Variants in COPG2 observed in about 807,000 individuals in gnomAD.
COPG2 encodes coatomer subunit gamma-2.
A neutral mutation model predicts 46.3 loss-of-function variants in COPG2; 37 were observed. That is an observed-to-expected ratio of 0.80 (90% CI 0.61 to 1.05). The LOEUF is 1.05. Ranked by LOEUF, COPG2 falls within the 50% of genes least tolerant of loss-of-function variation. The pLI is 0.00. For missense variants in COPG2, 427 were observed against 387.8 expected (o/e 1.10, Z -0.85); for synonymous variants, 159 against 129.7 (o/e 1.23, Z -1.53).
Position 130,613,654 on chromosome 7 carries a change from GA to G in COPG2, c.400-19del. Reference sequence around the variant, plus strand: ...ATTGTTCCCTAATAACATTCAAAAAGAAAAAATTGTTAAGGAAAAACATGCT... The same window carrying G: ...ATTGTTCCCTAATAACATTCAAAAAGAAAAATTGTTAAGGAAAAACATGCT... On this transcript the variant is annotated intron_variant, in intron 6 of 23. Transcript: ENST00000425248. The G allele has an allele frequency of 6.5e-7, 1 of 1,538,778 alleles. No individual in the cohort carries two copies. The highest frequency in any genetic ancestry group is 8.9e-7 in the Non-Finnish European group (1 of 1,127,070).
At position 130,506,643 on chromosome 7, in the gene COPG2, G is replaced by C. The variant is rs1554440079; in HGVS notation, c.*33C>G. The C allele has an allele frequency of 1.3e-6, 1 of 769,444 alleles. No homozygotes were observed. Among genetic ancestry groups the C allele is most frequent in the South Asian group, 1.4e-5 (1 of 72,716 alleles). 47.7% of individuals were successfully genotyped at this position (769,444 alleles called of 1,614,324 possible). A position where few individuals can be genotyped will look rare whatever the true frequency, so the allele number is the denominator to read the frequency against. ...AGCCTAAAAGCCCACTGACCATGTAGTGTGCATCAGTTTCCTCTTGTCCAG... is the reference window on the plus strand; with the variant it reads ...AGCCTAAAAGCCCACTGACCATGTACTGTGCATCAGTTTCCTCTTGTCCAG... On this transcript the variant is annotated 3_prime_UTR_variant, in exon 24 of 24. Transcript: ENST00000425248.
At chr7:130,594,507 T>C (rs781813276) in intron 9 of COPG2, among the ~76,000 whole-genome samples, 1 of 152,082 alleles carries the variant, frequency 6.6e-6, no homozygotes, top group Non-Finnish European at 1.5e-5. Context: ...CACAGAAAAA[T>C]TAGACTTTAT....
intron 9 of COPG2, among the ~76,000 whole-genome samples, chr7:130,592,976 A>C (rs1178777780): frequency 6.6e-6 from 1 of 152,252 alleles, no homozygotes; most frequent in Non-Finnish European, 1.5e-5. Flanking sequence ...ATGTCATTAG[A>C]CTTCTATACA....
At chr7:130,608,879 A>G (rs1554451643) in intron 9 of COPG2, among the ~76,000 whole-genome samples, 1 of 151,144 alleles carries the variant, frequency 6.6e-6, no homozygotes, top group East Asian at 2.0e-4. Context: ...TGTTGTTGTT[A>G]TTTTTTGAGA....
rs782326544 is a variant in COPG2, at chr7:130,652,986, T to G, written c.244-38A>C. On this transcript the variant is annotated intron_variant, in intron 4 of 23. Transcript: ENST00000425248. ...TTATAAAAGGTAACAGATTATTGAT[T>G]AGGAAATGGTTTTTTAAATTATTTG... 38 of 1,354,984 alleles carry G rather than the reference T, an allele frequency of 2.8e-5. No homozygotes were observed. The South Asian group carries it at 4.8e-4, about 17-fold the overall frequency. The allele number at this position is 1,354,984 out of a possible 1,614,324, so 83.9% of individuals were successfully genotyped here.
At position 130,602,037 on chromosome 7, in the gene COPG2, C is replaced by T. The variant is rs565968095; in HGVS notation, c.737+8916G>A. 1.3e-3 allele frequency among the ~76,000 whole-genome samples: 191 copies of T among 152,250 alleles called. No homozygotes were observed. In the South Asian group the frequency reaches 0.015, roughly 12 times the overall value. On this transcript the variant is annotated intron_variant, in intron 9 of 23. Transcript: ENST00000425248. ...CCCAGATGACTGCAGGCTAGGCCAA[C>T]GACTTGATTATAAACTCATACGAGG...
chr7:130,625,011 C>T (rs1326040728), intron 5 of COPG2, among the ~76,000 whole-genome samples: 2 of 152,188 alleles, frequency 1.3e-5, no homozygotes, highest in Non-Finnish European at 2.9e-5. Flanking sequence ...AGTGGTTGTA[C>T]TAATTTACAT....
intron 20 of COPG2, among the ~76,000 whole-genome samples, chr7:130,527,902 A>G (rs1165171971): frequency 1.3e-5 from 2 of 152,138 alleles, no homozygotes; most frequent in East Asian, 3.9e-4. Flanking sequence ...CCCAGACTCA[A>G]GGACTCAGGT....
chr7:130,561,946 G>T (rs1793728261), intron 11 of COPG2, among the ~76,000 whole-genome samples: 2 of 152,114 alleles, frequency 1.3e-5, no homozygotes, highest in Admixed American at 1.3e-4. Flanking sequence ...GGCCCACTGG[G>T]GTTAGTAAAT....
chr7:130,627,102 G>A (rs1795133463), intron 5 of COPG2, among the ~76,000 whole-genome samples: 1 of 152,084 alleles, frequency 6.6e-6, no homozygotes. Flanking sequence ...TGTTGCCCAG[G>A]CTTTTCTATT....
At chr7:130,529,433 A>T (rs1001856786) in intron 20 of COPG2, among the ~76,000 whole-genome samples, 2 of 152,178 alleles carry the variant, frequency 1.3e-5, no homozygotes, top group Non-Finnish European at 2.9e-5. Context: ...GATGGACATA[A>T]AAAAGGACAG....
intron 5 of COPG2, among the ~76,000 whole-genome samples, chr7:130,617,416 C>T (rs1464868399): frequency 2.0e-5 from 3 of 152,180 alleles, no homozygotes; most frequent in African/African-American, 4.8e-5. Context: ...TGGTATAAAG[C>T]GTCCTAGTCT....
intron 20 of COPG2, chr7:130,511,613 C>T (rs1554441020): frequency 5.8e-6 from 3 of 518,650 alleles, no homozygotes; most frequent in Non-Finnish European, 1.2e-5. Flanking sequence ...CACACATCAA[C>T]AGGAAGGTAA....
chr7:130,563,976 A>C (rs1793761710), intron 10 of COPG2, among the ~76,000 whole-genome samples: 1 of 152,050 alleles, frequency 6.6e-6, no homozygotes, highest in South Asian at 2.1e-4. Context: ...ACGAGGAAAC[A>C]GAAACTTTAA....
intron 3 of COPG2, among the ~76,000 whole-genome samples, chr7:130,665,999 A>G (rs891202935): frequency 2.6e-5 from 4 of 152,220 alleles, no homozygotes; most frequent in African/African-American, 4.8e-5. Context: ...TTGCTGAATG[A>G]CGGAAGGAAA....
At chr7:130,592,383 C>G (rs1308451897) in intron 9 of COPG2, among the ~76,000 whole-genome samples, 2 of 146,528 alleles carry the variant, frequency 1.4e-5, no homozygotes, top group Admixed American at 6.7e-5. Flanking sequence ...GCGAGAAACA[C>G]CCAAGAATGA....
At chr7:130,643,036 C>T (rs1584603353) in intron 5 of COPG2, among the ~76,000 whole-genome samples, 3 of 151,576 alleles carry the variant, frequency 2.0e-5, no homozygotes, top group African/African-American at 4.9e-5. Flanking sequence ...AGGCCGGGCG[C>T]GGTGGCTCCC....
intron 6 of COPG2, among the ~76,000 whole-genome samples, chr7:130,614,640 C>T (rs1554452594): frequency 1.3e-5 from 2 of 152,118 alleles, no homozygotes; most frequent in Non-Finnish European, 2.9e-5. Flanking sequence ...AAGCTACTGG[C>T]CTATTGCTGA....
chr7:130,589,745 A>T (rs560937756), intron 9 of COPG2, among the ~76,000 whole-genome samples: 3 of 152,274 alleles, frequency 2.0e-5, no homozygotes, highest in African/African-American at 7.2e-5. Context: ...AAATAATGTC[A>T]CCTTGTTTTA....
Sources: gnomAD v4.1 joint callset for allele counts (sites outside exome capture counted in the v4.1 genomes callset) on GRCh38, gnomAD v4.1.1 for gene constraint, MANE v1.5 for transcripts, NCBI Gene and HGNC (gene_info 2026-07-23, HGNC 2026-07-21) for gene names.